GLRA2: variants seen among roughly 807,000 people sequenced by gnomAD.
GLRA2 encodes glycine receptor subunit alpha-2.
In GLRA2, 11 loss-of-function variants were observed where a neutral mutation model predicts 31.6. The ratio of observed to expected loss-of-function variants is 0.35; its 90% CI spans 0.22 to 0.58. The LOEUF (loss-of-function observed/expected upper bound fraction) is 0.58, where lower values mean the gene tolerates loss of function less well. Ranked by LOEUF, GLRA2 falls within the 20% of genes least tolerant of loss-of-function variation. GLRA2 has a pLI of 0.84. For missense variants in GLRA2, 212 were observed against 351.8 expected, an observed-to-expected ratio of 0.60 and a Z score of 3.18; for synonymous variants, 132 against 134.0, an observed-to-expected ratio of 0.99 and a Z score of 0.10.
chrX:14,691,601 C>T (rs1021462240), intron 8 of GLRA2, among the ~76,000 whole-genome samples: 1 of 111,303 alleles, frequency 9.0e-6, no homozygotes, highest in African/African-American at 3.3e-5. Flanking sequence ...AAATCCCAAG[C>T]CTTAGACACA....
At chrX:14,545,643 A>G (rs1048112281) in intron 2 of GLRA2, among the ~76,000 whole-genome samples, 3 of 111,833 alleles carry the variant, frequency 2.7e-5, no homozygotes, top group African/African-American at 9.7e-5. Context: ...TTGGGCATGC[A>G]CACATTTGCT....
At chrX:14,686,022 C>T (rs1601831571) in intron 7 of GLRA2, among the ~76,000 whole-genome samples, 1 of 111,672 alleles carries the variant, frequency 9.0e-6, no homozygotes, top group South Asian at 3.8e-4. Context: ...TCTTTGTTCT[C>T]ATTGGTTTCA....
intron 7 of GLRA2, among the ~76,000 whole-genome samples, chrX:14,687,526 C>T (rs1414126001): frequency 2.7e-5 from 3 of 111,377 alleles, no homozygotes; most frequent in Non-Finnish European, 5.7e-5. Context: ...TTTCTCTAAG[C>T]TTCTCTTCTC....
intron 7 of GLRA2, 31 bp from the exon 8 acceptor site, chrX:14,690,673 CTCTCTG>C: frequency 2.1e-6 from 2 of 955,601 alleles, no homozygotes; most frequent in Non-Finnish European, 3.0e-6. Context: ...CTCTCTCTCT[CTCTCTG>C]TGTGTGTGTG....
At chrX:14,464,481 A>T in the GLRA2 span, among the ~76,000 whole-genome samples, 2 of 112,051 alleles carry the variant, frequency 1.8e-5, no homozygotes, top group Non-Finnish European at 3.8e-5. Flanking sequence ...GTTGAAAGTG[A>T]GTTGGCTGTA....
the GLRA2 span, among the ~76,000 whole-genome samples, chrX:14,472,755 G>A: frequency 9.9e-5 from 11 of 111,296 alleles, no homozygotes; most frequent in South Asian, 1.9e-3. Context: ...TGAACTCACA[G>A]AGATTCAGAT....
At chrX:14,473,646 A>G in the GLRA2 span, among the ~76,000 whole-genome samples, 1 of 111,036 alleles carries the variant, frequency 9.0e-6, no homozygotes, top group Non-Finnish European at 1.9e-5. Flanking sequence ...TTCATCTTCT[A>G]TGCACCCATC....
the GLRA2 span, among the ~76,000 whole-genome samples, chrX:14,507,068 C>G: frequency 8.9e-6 from 1 of 112,126 alleles, no homozygotes; most frequent in Non-Finnish European, 1.9e-5. Context: ...TTCAACCATT[C>G]TTTTCTTCAA....
chrX:14,707,738 CT>C (rs2091646721), intron 8 of GLRA2, among the ~76,000 whole-genome samples: 1 of 95,886 alleles, frequency 1.0e-5, no homozygotes, highest in Non-Finnish European at 2.1e-5. Context: ...ATATGTTTTC[CT>C]ACTTTGACAG....
chrX:14,628,714 G>A (rs1009473039), intron 7 of GLRA2, among the ~76,000 whole-genome samples: 1 of 111,660 alleles, frequency 9.0e-6, no homozygotes, highest in Non-Finnish European at 1.9e-5. Context: ...GTTGGAATGA[G>A]CCAGTAAACT....
intron 4 of GLRA2, among the ~76,000 whole-genome samples, chrX:14,596,173 T>C (rs1362885774): frequency 5.4e-5 from 6 of 111,621 alleles, no homozygotes; most frequent in African/African-American, 1.3e-4. Flanking sequence ...TTGAAATTTC[T>C]TGGTGGCCTA....
intron 7 of GLRA2, among the ~76,000 whole-genome samples, chrX:14,674,623 T>C (rs1569520133): frequency 8.9e-6 from 1 of 112,214 alleles, no homozygotes; most frequent in Non-Finnish European, 1.9e-5. Flanking sequence ...AAGTAATTTT[T>C]CCAAATTCAT....
chrX:14,607,147 T>A lies in GLRA2; in HGVS notation c.594T>A (p.Asn198Lys), dbSNP rs755545025. 3.8e-5 allele frequency: 45 copies of A among 1,185,394 alleles called. No individual in the cohort carries two copies. The highest frequency in any genetic ancestry group is 5.0e-5 in the Non-Finnish European group (44 of 874,314). ...TTACCTCAGTTGGGTACACGATGAATGACCTGATATTTGAGTGGTTAAGTG... is the reference window on the plus strand; with the variant it reads ...TTACCTCAGTTGGGTACACGATGAAAGACCTGATATTTGAGTGGTTAAGTG... Reference protein sequence around the residue: ...MQLESFGYTMNDLIFEWLSDG... With the variant: ...MQLESFGYTMKDLIFEWLSDG... The change falls in exon 6 of 9, where the codon AAT becomes AAA. Residue 198 changes from asparagine to lysine, a missense_variant. Around this residue, in one of 5 missense-constraint regions of GLRA2, gnomAD observed 110 missense variants for 232.6 expected, o/e 0.47. Transcript: ENST00000218075.
At chrX:14,651,711 C>T (rs1177349196) in intron 7 of GLRA2, among the ~76,000 whole-genome samples, 1 of 111,630 alleles carries the variant, frequency 9.0e-6, no homozygotes, top group Non-Finnish European at 1.9e-5. Context: ...TGTCTAACAA[C>T]ACATTTTGCA....
At chrX:14,486,860 G>A in the GLRA2 span, among the ~76,000 whole-genome samples, 12 of 111,266 alleles carry the variant, frequency 1.1e-4, no homozygotes, top group African/African-American at 3.6e-4. Context: ...CCAAAAACAT[G>A]TAAAATGAAA....
intron 7 of GLRA2, among the ~76,000 whole-genome samples, chrX:14,622,907 G>A (rs913939256): frequency 5.4e-5 from 6 of 111,793 alleles, no homozygotes; most frequent in Admixed American, 9.5e-5. Flanking sequence ...TAGCTTGAAG[G>A]GGATGGCATT....
intron 1 of GLRA2, among the ~76,000 whole-genome samples, chrX:14,530,327 G>A (rs186566734): frequency 2.7e-5 from 3 of 111,692 alleles, no homozygotes; most frequent in Admixed American, 9.5e-5. Flanking sequence ...ATGCATAGCC[G>A]CACTCTATGC....
chrX:14,724,454 C>T (rs1416561922), intron 8 of GLRA2, among the ~76,000 whole-genome samples: 2 of 108,160 alleles, frequency 1.8e-5, no homozygotes, highest in African/African-American at 3.4e-5. Flanking sequence ...GGTAAAACCC[C>T]GTCTCTACTA....
At chrX:14,622,980 A>G (rs2090540529) in intron 7 of GLRA2, among the ~76,000 whole-genome samples, 1 of 111,800 alleles carries the variant, frequency 8.9e-6, no homozygotes. Context: ...CCTATCCATG[A>G]GCATGGAATG....
Sources: allele counts gnomAD v4.1 joint callset (sites outside exome capture counted in the v4.1 genomes callset), GRCh38; gene constraint gnomAD v4.1.1; regional missense constraint gnomAD v4.1.1; transcripts MANE v1.5; gene names NCBI Gene and HGNC (gene_info 2026-07-23, HGNC 2026-07-21).